The following NOS1AP variants were observed in gnomAD, a reference collection of about 807,000 sequenced individuals.
NOS1AP encodes nitric oxide synthase 1 adaptor protein.
Under a neutral mutation model 56.2 loss-of-function variants are expected in NOS1AP, and 21 were observed. That is an observed-to-expected ratio of 0.37 (90% confidence interval 0.26 to 0.54). NOS1AP has a LOEUF of 0.54. Among genes scored for constraint, NOS1AP ranks in the 20% least tolerant of loss-of-function variants. NOS1AP has a pLI of 0.84. For synonymous variants in NOS1AP, 270 were observed against 274.6 expected, an observed-to-expected ratio of 0.98 and a Z score of 0.17; for missense variants, 522 against 657.8, an observed-to-expected ratio of 0.79 and a Z score of 2.26.
intron 1 of NOS1AP, among the ~76,000 whole-genome samples, chr1:162,151,905 G>A (rs755864193): frequency 6.6e-6 from 1 of 152,090 alleles, no homozygotes; most frequent in Non-Finnish European, 1.5e-5. Flanking sequence ...GTGAAGGTGT[G>A]TGGTACATGT....
At chr1:162,353,589 GA>G (rs1313077905) in intron 6 of NOS1AP, among the ~76,000 whole-genome samples, 20 of 152,160 alleles carry the variant, frequency 1.3e-4, no homozygotes, top group African/African-American at 4.6e-4. Context: ...CTCTGTGCCA[GA>G]GAAACATTTT....
intron 1 of NOS1AP, among the ~76,000 whole-genome samples, chr1:162,141,874 G>T (rs1649250452): frequency 2.0e-5 from 3 of 152,172 alleles, no homozygotes; most frequent in African/African-American, 7.2e-5. Context: ...TAGGAAGTTG[G>T]GTAATATGAT....
intron 1 of NOS1AP, among the ~76,000 whole-genome samples, chr1:162,131,543 A>G (rs867433450): frequency 5.9e-5 from 9 of 151,690 alleles, no homozygotes; most frequent in African/African-American, 2.2e-4. Context: ...GTGATTTCCC[A>G]TGGAAAGAGG....
At chr1:162,123,657 T>A (rs1302051367) in intron 1 of NOS1AP, among the ~76,000 whole-genome samples, 1 of 152,222 alleles carries the variant, frequency 6.6e-6, no homozygotes, top group Non-Finnish European at 1.5e-5. Flanking sequence ...AATTTTTAAA[T>A]TTCTTATTTT....
chr1:162,275,178 CTGTTT>C, intron 2 of NOS1AP, among the ~76,000 whole-genome samples: 1 of 151,794 alleles, frequency 6.6e-6, no homozygotes, highest in Non-Finnish European at 1.5e-5. Context: ...GTTGTTGTTT[CTGTTT>C]TGTTTTTTGT....
At chr1:162,179,648 G>C (rs749115968) in intron 2 of NOS1AP, among the ~76,000 whole-genome samples, 5 of 152,222 alleles carry the variant, frequency 3.3e-5, no homozygotes, top group Non-Finnish European at 5.9e-5. Flanking sequence ...GCTTCACAGA[G>C]GCTGTGATCC....
chr1:162,322,204 A>AGTAC (rs1200308715), intron 4 of NOS1AP, among the ~76,000 whole-genome samples: 2 of 152,200 alleles, frequency 1.3e-5, no homozygotes, highest in Non-Finnish European at 2.9e-5. Flanking sequence ...TGATGCCTGG[A>AGTAC]GTACACACAA....
At chr1:162,204,449 C>T (rs1438262075) in intron 2 of NOS1AP, among the ~76,000 whole-genome samples, 3 of 152,152 alleles carry the variant, frequency 2.0e-5, no homozygotes, top group South Asian at 4.1e-4. Flanking sequence ...TTTTTGTTGC[C>T]TCTGTGTGGG....
intron 2 of NOS1AP, among the ~76,000 whole-genome samples, chr1:162,198,072 C>T (rs12092778): frequency 0.11 from 16,226 of 152,210 alleles, 950 homozygotes; most frequent in South Asian, 0.2. Context: ...GGTACTGCCT[C>T]CTCAGGGTTT....
chr1:162,159,929 C>A (rs1028224456), intron 2 of NOS1AP, among the ~76,000 whole-genome samples: 1 of 152,128 alleles, frequency 6.6e-6, no homozygotes, highest in African/African-American at 2.4e-5. Context: ...GGCTCCTGAC[C>A]CCTTCATCTT....
intron 1 of NOS1AP, among the ~76,000 whole-genome samples, chr1:162,131,095 T>C (rs1327003863): frequency 6.6e-6 from 1 of 152,106 alleles, no homozygotes; most frequent in African/African-American, 2.4e-5. Flanking sequence ...GGCCAGTGAA[T>C]ATAGTGAAAA....
At position 162,356,965 on chromosome 1, in the gene NOS1AP, G is replaced by A. The variant is rs200338123; in HGVS notation, c.768G>A (p.Ser256=). The A allele has an allele frequency of 1.2e-4, 187 of 1,613,954 alleles. No homozygotes were observed. Among genetic ancestry groups the A allele is most frequent in the East Asian group, 1.8e-4 (8 of 44,864 alleles). ...EGGSHTGSKV[S]HPQEPMLTAS... ...GTCTTCTCCTTCTCCTCCAGGTTTC[G>A]CACCCCCAGGAGCCCATGCTGACAG... The change falls in exon 8 of 10, where the codon TCG becomes TCA. Residue 256 remains serine, a synonymous_variant. Coordinates refer to ENST00000361897, the MANE Select transcript of NOS1AP (RefSeq NM_014697.3).
intron 1 of NOS1AP, among the ~76,000 whole-genome samples, chr1:162,141,990 C>T (rs1558119093): frequency 6.6e-6 from 1 of 152,118 alleles, no homozygotes; most frequent in African/African-American, 2.4e-5. Context: ...ATCATTTGTC[C>T]ATTCATTTGT....
At chr1:162,269,830 C>T (rs528630101) in intron 2 of NOS1AP, among the ~76,000 whole-genome samples, 1 of 150,402 alleles carries the variant, frequency 6.6e-6, no homozygotes, top group Non-Finnish European at 1.5e-5. Context: ...ACTCAGTAGC[C>T]TGATTTCCTA....
At chr1:162,115,508 A>G (rs1647909174) in intron 1 of NOS1AP, among the ~76,000 whole-genome samples, 2 of 152,112 alleles carry the variant, frequency 1.3e-5, no homozygotes, top group Admixed American at 1.3e-4. Flanking sequence ...GGAATTGTCT[A>G]GAAATGTAAT....
At chr1:162,176,377 A>G (rs754593646) in intron 2 of NOS1AP, among the ~76,000 whole-genome samples, 4 of 152,000 alleles carry the variant, frequency 2.6e-5, no homozygotes, top group African/African-American at 9.7e-5. Context: ...TACTATCCCT[A>G]TAATTTTTGC....
intron 2 of NOS1AP, among the ~76,000 whole-genome samples, chr1:162,228,753 G>A (rs903143105): frequency 6.6e-6 from 1 of 152,120 alleles, no homozygotes; most frequent in Non-Finnish European, 1.5e-5. Flanking sequence ...AGATAACATC[G>A]TTCAGACCCT....
chr1:162,321,995 A>G (rs1025241572), intron 4 of NOS1AP, among the ~76,000 whole-genome samples: 2 of 152,188 alleles, frequency 1.3e-5, no homozygotes, highest in South Asian at 4.1e-4. Context: ...AAAGAAGCCC[A>G]AACTCCAGCC....
At chr1:162,161,353 C>A (rs1557811378) in intron 2 of NOS1AP, among the ~76,000 whole-genome samples, 1 of 152,098 alleles carries the variant, frequency 6.6e-6, no homozygotes, top group Non-Finnish European at 1.5e-5. Context: ...GAGATTCCAC[C>A]CCCTACTGAG....
Sources: gnomAD v4.1 joint callset for allele counts (sites outside exome capture counted in the v4.1 genomes callset) on GRCh38, gnomAD v4.1.1 for gene constraint, MANE v1.5 for transcripts, NCBI Gene and HGNC (gene_info 2026-07-23, HGNC 2026-07-21) for gene names.